The following FBXL7 variants were observed in gnomAD, a reference collection of about 807,000 sequenced individuals.
FBXL7 encodes F-box/LRR-repeat protein 7.
Under a neutral mutation model 38.3 loss-of-function variants are expected in FBXL7, and 12 were observed. That is an observed-to-expected ratio of 0.31 (90% CI 0.20 to 0.51). FBXL7 has a LOEUF of 0.51. FBXL7 is among the 20% of genes least tolerant of loss of function. The probability of loss-of-function intolerance (pLI) is 0.98; values close to 1 mark genes in which losing one functional copy is unlikely to be tolerated. For synonymous variants in FBXL7, 297 were observed against 300.9 expected (o/e 0.99, Z 0.13); for missense variants, 567 against 676.4 (o/e 0.84, Z 1.79).
intron 1 of FBXL7, among the ~76,000 whole-genome samples, chr5:15,567,344 A>T (rs1021382223): frequency 6.6e-6 from 1 of 152,170 alleles, no homozygotes; most frequent in Non-Finnish European, 1.5e-5. Context: ...CTTAGGTCAT[A>T]AATTTTAGCA....
intron 2 of FBXL7, among the ~76,000 whole-genome samples, chr5:15,771,845 G>T (rs1323997392): frequency 1.4e-5 from 2 of 144,112 alleles, no homozygotes; most frequent in Non-Finnish European, 3.0e-5. Context: ...TTGGCTCACT[G>T]AAACTTCCGC....
At chr5:15,925,197 A>G (rs12522838) in intron 2 of FBXL7, among the ~76,000 whole-genome samples, 27,984 of 152,196 alleles carry the variant, frequency 0.18, 4,122 homozygotes, top group African/African-American at 0.4. Flanking sequence ...ATATGTTAAA[A>G]ATAATACAAT....
chr5:15,635,410 C>A (rs1741148334), intron 2 of FBXL7, among the ~76,000 whole-genome samples: 4 of 152,170 alleles, frequency 2.6e-5, no homozygotes, highest in Admixed American at 1.3e-4. Context: ...CTGGTTTCTT[C>A]AAGCCTGGGC....
At chr5:15,736,739 A>G (rs1036231439) in intron 2 of FBXL7, among the ~76,000 whole-genome samples, 5 of 152,186 alleles carry the variant, frequency 3.3e-5, no homozygotes, top group Admixed American at 3.3e-4. Context: ...TAAAAGCTGA[A>G]AAGTAAGACA....
rs771652620 is a variant in FBXL7 at position 15,936,603 on chromosome 5, C to T, written c.893C>T (p.Thr298Met). 3.1e-6 allele frequency: 5 copies of T among 1,610,822 alleles called. No homozygotes were observed. The African/African-American group carries it at 4.0e-5, about 13-fold the overall frequency. Residue 298 changes from threonine (T) to methionine (M), a missense_variant, in exon 4 of 4, where the codon ACG becomes ATG. By Grantham distance (81) the Thr-to-Met change is moderately conservative. Transcript: ENST00000504595. This position sits in a 1 kb window ranked among gnomAD's most constrained non-coding sequence, Gnocchi z 6.0. ...EGLHTIAAHC[T>M]QLTHLYLRRC... ...CTGCACACCATCGCGGCGCACTGCACGCAGCTCACCCACCTCTACCTGCGC... is the reference window on the plus strand; with the variant it reads ...CTGCACACCATCGCGGCGCACTGCATGCAGCTCACCCACCTCTACCTGCGC...
At chr5:15,555,941 TATCTATCTGTC>T (rs1320857597) in intron 1 of FBXL7, among the ~76,000 whole-genome samples, 2 of 151,980 alleles carry the variant, frequency 1.3e-5, no homozygotes, top group African/African-American at 4.8e-5. Flanking sequence ...AGGATCCATC[TATCTATCTGTC>T]ATCTATCTGT....
intron 2 of FBXL7, among the ~76,000 whole-genome samples, chr5:15,677,576 C>T (rs749076609): frequency 1.3e-4 from 19 of 151,964 alleles, no homozygotes; most frequent in Non-Finnish European, 4.4e-5. Context: ...AATTTCTAGA[C>T]AGGAGAGAAA....
intron 1 of FBXL7, among the ~76,000 whole-genome samples, chr5:15,599,207 T>C (rs1293035962): frequency 6.6e-6 from 1 of 152,124 alleles, no homozygotes; most frequent in Non-Finnish European, 1.5e-5. Flanking sequence ...ACATAGCAGG[T>C]AATAAAATTG....
intron 2 of FBXL7, among the ~76,000 whole-genome samples, chr5:15,858,220 A>C (rs1233310912): frequency 6.7e-6 from 1 of 149,360 alleles, no homozygotes. Context: ...TACATAATAT[A>C]TATAACATAT....
rs1057267950 is a variant in FBXL7, at chr5:15,936,639, G to A, written c.929G>A (p.Arg310His). ...LTHLYLRRCV[R>H]LTDEGLRYLV... The stretch of plus-strand genomic sequence containing the variant: ...CACCTCTACCTGCGCCGCTGCGTCC[G>A]CCTGACCGACGAAGGCCTGCGCTAC... The change falls in exon 4 of 4, where the codon CGC becomes CAC. Residue 310 changes from arginine to histidine, a missense_variant. Transcript: ENST00000504595. This position sits in a 1 kb window ranked among gnomAD's most constrained non-coding sequence, Gnocchi z 6.0. 1.9e-6 allele frequency: 3 copies of A among 1,608,708 alleles called. No individual in the cohort carries two copies. Among genetic ancestry groups the A allele is most frequent in the African/African-American group, 2.7e-5 (2 of 75,050 alleles).
chr5:15,658,890 T>G (rs1741968942), intron 2 of FBXL7, among the ~76,000 whole-genome samples: 1 of 152,150 alleles, frequency 6.6e-6, no homozygotes, highest in South Asian at 2.1e-4. Context: ...CATTTCTGCC[T>G]TTTGGTCTTT....
At position 15,875,061 on chromosome 5, in the gene FBXL7, C is replaced by T. The variant is rs531087707; in HGVS notation, c.128-52829C>T. ...AAACAGCATAGTACTGGTACCAAAA[C>T]AGATATATAGACCAATGGAACAGAA... On this transcript the variant is annotated intron_variant, in intron 2 of 3. Transcript: ENST00000504595. Among the ~76,000 whole-genome samples the T allele has an allele frequency of 2.0e-5, 3 of 152,304 alleles. No homozygotes were observed. In the East Asian group the frequency reaches 5.8e-4, roughly 29 times the overall value.
chr5:15,652,257 T>C (rs1439191898), intron 2 of FBXL7, among the ~76,000 whole-genome samples: 1 of 152,218 alleles, frequency 6.6e-6, no homozygotes, highest in Non-Finnish European at 1.5e-5. Context: ...GTAGCATTTT[T>C]AGTTTCCTTC....
chr5:15,671,092 C>T (rs915784169), intron 2 of FBXL7, among the ~76,000 whole-genome samples: 4 of 152,160 alleles, frequency 2.6e-5, no homozygotes, highest in South Asian at 2.1e-4. Flanking sequence ...GTGCATGCTG[C>T]GTTCCACTTG....
intron 2 of FBXL7, among the ~76,000 whole-genome samples, chr5:15,884,468 G>A (rs368670757): frequency 2.1e-4 from 32 of 152,000 alleles, no homozygotes; most frequent in African/African-American, 2.2e-4. Flanking sequence ...GGGTTTCACC[G>A]TGTTAGCCAA....
chr5:15,798,729 C>T (rs1223015695), intron 2 of FBXL7, among the ~76,000 whole-genome samples: 1 of 152,308 alleles, frequency 6.6e-6, no homozygotes, highest in African/African-American at 2.4e-5. Flanking sequence ...AAAAAGACAA[C>T]AGTGACCTGA....
intron 2 of FBXL7, among the ~76,000 whole-genome samples, chr5:15,776,737 G>C (rs2126716354): frequency 6.6e-6 from 1 of 152,056 alleles, no homozygotes; most frequent in African/African-American, 2.4e-5. Context: ...ACCTTAAGTG[G>C]GCTAGCTTTT....
chr5:15,625,877 G>A (rs1023989518), intron 2 of FBXL7, among the ~76,000 whole-genome samples: 1 of 152,058 alleles, frequency 6.6e-6, no homozygotes, highest in African/African-American at 2.4e-5. Flanking sequence ...ATGTAACATA[G>A]GAATAGGAAT....
chr5:15,598,103 A>T (rs2126489462), intron 1 of FBXL7, among the ~76,000 whole-genome samples: 1 of 152,322 alleles, frequency 6.6e-6, no homozygotes, highest in Non-Finnish European at 1.5e-5. Flanking sequence ...TAAAAAATGC[A>T]TAAAGCTTTG....
Sources: gnomAD v4.1 joint callset for allele counts (sites outside exome capture counted in the v4.1 genomes callset) on GRCh38, gnomAD v4.1.1 for gene constraint, Gnocchi (gnomAD v3.1) non-coding constraint, MANE v1.5 for transcripts, NCBI Gene and HGNC (gene_info 2026-07-23, HGNC 2026-07-21) for gene names.